DCC: variants seen among roughly 807,000 people sequenced by gnomAD.
The protein encoded by DCC is netrin receptor DCC.
DCC carries 58 observed loss-of-function variants against 172.5 expected under a neutral mutation model. The observed-to-expected ratio is 0.34, with a 90% CI of 0.27 to 0.42. The LOEUF is 0.42. Among genes scored for constraint, DCC ranks in the 10% least tolerant of loss-of-function variants. The pLI is 1.00. For synonymous variants in DCC, 709 were observed against 644.5 expected, an observed-to-expected ratio of 1.10 and a Z score of -1.52; for missense variants, 1,740 against 1,791.0, an observed-to-expected ratio of 0.97 and a Z score of 0.51.
intron 1 of DCC, among the ~76,000 whole-genome samples, chr18:52,692,723 C>T (rs1230037246): frequency 3.3e-5 from 5 of 152,252 alleles, no homozygotes; most frequent in African/African-American, 1.2e-4. Flanking sequence ...TGAGCCACCA[C>T]ACCTGGCCAG....
At chr18:52,864,298 G>A (rs1335074007) in intron 2 of DCC, among the ~76,000 whole-genome samples, 1 of 152,154 alleles carries the variant, frequency 6.6e-6, no homozygotes, top group East Asian at 1.9e-4. Context: ...GCTTTTTCAA[G>A]AAGTCTGGGT....
chr18:52,703,652 C>A (rs537139377), intron 1 of DCC, among the ~76,000 whole-genome samples: 1 of 152,066 alleles, frequency 6.6e-6, no homozygotes, highest in Admixed American at 6.6e-5. Flanking sequence ...GGTTTGAGCA[C>A]CTTAATTTCA....
intron 1 of DCC, among the ~76,000 whole-genome samples, chr18:52,738,036 C>A (rs561686342): frequency 3.3e-5 from 5 of 152,190 alleles, no homozygotes; most frequent in African/African-American, 9.6e-5. Flanking sequence ...ACATTGTTAT[C>A]TTTTACATGG....
chr18:53,262,274 C>T (rs1568399062), intron 12 of DCC, among the ~76,000 whole-genome samples: 1 of 152,142 alleles, frequency 6.6e-6, no homozygotes, highest in Non-Finnish European at 1.5e-5. Context: ...CCCATTTTTC[C>T]TCGTAGCCTA....
At chr18:52,800,575 C>CG (rs1568112479) in intron 2 of DCC, among the ~76,000 whole-genome samples, 2 of 152,054 alleles carry the variant, frequency 1.3e-5, no homozygotes, top group Non-Finnish European at 2.9e-5. Flanking sequence ...ATGGTGTTGA[C>CG]GGTGAGGTTA....
intron 21 of DCC, among the ~76,000 whole-genome samples, chr18:53,428,432 A>ATATAT: frequency 2.4e-5 from 1 of 42,180 alleles, no homozygotes; most frequent in Non-Finnish European, 5.3e-5. Flanking sequence ...AATATATTAC[A>ATATAT]TATATAATAT....
chr18:52,987,623 A>T (rs933117820), intron 5 of DCC, among the ~76,000 whole-genome samples: 2 of 152,198 alleles, frequency 1.3e-5, no homozygotes, highest in African/African-American at 4.8e-5. Context: ...ATATCTGAGG[A>T]AATGGGCAGG....
intron 1 of DCC, among the ~76,000 whole-genome samples, chr18:52,597,898 T>C (rs2033940202): frequency 6.6e-6 from 1 of 152,220 alleles, no homozygotes; most frequent in African/African-American, 2.4e-5. Flanking sequence ...GTTGGTTTGG[T>C]TTCTAAGAGC....
rs115817433 is a variant in DCC at position 52,908,533 on chromosome 18, A to T, written c.697+2205A>T. ...AATTGGCAAGCATATGTTTATCTTA[A>T]TATGACAGGAAAATCTGTTTTCCAG... On this transcript the variant is annotated intron_variant, in intron 3 of 28. Transcript: ENST00000442544. Among the ~76,000 whole-genome samples, 315 of 152,322 alleles carry T rather than the reference A, an allele frequency of 2.1e-3. 1 individual carries two copies. The highest frequency in any genetic ancestry group is 7.2e-3 in the African/African-American group (299 of 41,590).
chr18:52,829,082 T>G (rs997224450), intron 2 of DCC, among the ~76,000 whole-genome samples: 1 of 152,228 alleles, frequency 6.6e-6, no homozygotes, highest in Non-Finnish European at 1.5e-5. Flanking sequence ...AATTAGAATT[T>G]TAAACAGTAT....
intron 5 of DCC, among the ~76,000 whole-genome samples, chr18:53,036,008 T>C (rs2042087578): frequency 6.6e-6 from 1 of 152,052 alleles, no homozygotes; most frequent in African/African-American, 2.4e-5. Context: ...TATTCCTCGA[T>C]GTTGGACACT....
At chr18:53,126,995 C>G (rs1209095563) in intron 7 of DCC, among the ~76,000 whole-genome samples, 1 of 152,050 alleles carries the variant, frequency 6.6e-6, no homozygotes, top group Non-Finnish European at 1.5e-5. Context: ...TCGAGGCTTT[C>G]CAGGAGCCAA....
At chr18:53,118,457 CAT>C (rs1327380387) in intron 7 of DCC, among the ~76,000 whole-genome samples, 1 of 151,676 alleles carries the variant, frequency 6.6e-6, no homozygotes, top group East Asian at 2.0e-4. Flanking sequence ...AAATTTTAGA[CAT>C]GTAGGTTGCT....
chr18:53,228,961 G>T (rs2056081451), intron 12 of DCC, among the ~76,000 whole-genome samples: 4 of 151,984 alleles, frequency 2.6e-5, no homozygotes, highest in Middle Eastern at 3.4e-3. Flanking sequence ...ATAATGCTTG[G>T]TTGAAAATGT....
intron 13 of DCC, among the ~76,000 whole-genome samples, chr18:53,312,808 C>CAAAA (rs551648972): frequency 0.087 from 5,369 of 61,662 alleles, 866 homozygotes; most frequent in African/African-American, 0.27. Flanking sequence ...GACACTGTCT[C>CAAAA]AAAAAAAAAA....
intron 5 of DCC, among the ~76,000 whole-genome samples, chr18:52,952,735 C>G (rs1356866938): frequency 6.6e-6 from 1 of 151,930 alleles, no homozygotes; most frequent in Non-Finnish European, 1.5e-5. Context: ...CATGGTTGTT[C>G]GTGCCTATAA....
At chr18:52,648,629 T>A (rs369562437) in intron 1 of DCC, among the ~76,000 whole-genome samples, 1 of 152,194 alleles carries the variant, frequency 6.6e-6, no homozygotes, top group African/African-American at 2.4e-5. Context: ...ATCACAAGCG[T>A]CTTTTCACAC....
chr18:52,563,148 G>A (rs1550567), intron 1 of DCC, among the ~76,000 whole-genome samples: 20,141 of 152,090 alleles, frequency 0.13, 1,412 homozygotes, highest in South Asian at 0.2. Flanking sequence ...CTACACAATG[G>A]GAAAAGGAAG....
chr18:52,406,120 T>C (rs1321968938), intron 1 of DCC, among the ~76,000 whole-genome samples: 1 of 147,752 alleles, frequency 6.8e-6, no homozygotes, highest in African/African-American at 2.5e-5. Context: ...GCTAGCCATA[T>C]GTAGAAAGCT....
Sources: allele counts gnomAD v4.1 joint callset (sites outside exome capture counted in the v4.1 genomes callset), GRCh38; gene constraint gnomAD v4.1.1; transcripts MANE v1.5; gene names NCBI Gene and HGNC (gene_info 2026-07-23, HGNC 2026-07-21).